The following IFTAP variants were observed in gnomAD, a reference collection of about 807,000 sequenced individuals.
IFTAP encodes intraflagellar transport-associated protein.
A neutral mutation model predicts 19.4 loss-of-function variants in IFTAP; 19 were observed. That is an observed-to-expected ratio of 0.98 (90% CI 0.68 to 1.44). IFTAP has a LOEUF of 1.44. IFTAP is among the 40% of genes most tolerant of loss of function. The probability of loss-of-function intolerance (pLI) is 0.00; values close to 1 mark genes in which losing one functional copy is unlikely to be tolerated. For synonymous variants in IFTAP, 85 were observed against 83.5 expected, an observed-to-expected ratio of 1.02 and a Z score of -0.10; for missense variants, 240 against 253.6, an observed-to-expected ratio of 0.95 and a Z score of 0.36.
At chr11:36,635,677 G>A (rs1043519470) in intron 3 of IFTAP, among the ~76,000 whole-genome samples, 6 of 152,080 alleles carry the variant, frequency 3.9e-5, no homozygotes, top group African/African-American at 1.4e-4. Flanking sequence ...TGCTTGACAG[G>A]CAAAAGCAAT....
intron 4 of IFTAP, among the ~76,000 whole-genome samples, chr11:36,644,421 T>C (rs1853375641): frequency 6.6e-6 from 1 of 152,110 alleles, no homozygotes; most frequent in South Asian, 2.1e-4. Flanking sequence ...CTAGTTCAAC[T>C]ATTGCGGAAG....
intron 4 of IFTAP, among the ~76,000 whole-genome samples, chr11:36,638,275 A>T (rs535575460): frequency 6.6e-6 from 1 of 152,236 alleles, no homozygotes; most frequent in African/African-American, 2.4e-5. Context: ...TTTTCAAGTT[A>T]CATTTTTCAA....
intron 2 of IFTAP, among the ~76,000 whole-genome samples, chr11:36,614,863 G>T (rs1590206608): frequency 6.8e-6 from 1 of 148,124 alleles, no homozygotes; most frequent in Non-Finnish European, 1.5e-5. Context: ...CTCCCATTTT[G>T]TAGGTTGCCT....
intron 2 of IFTAP, among the ~76,000 whole-genome samples, chr11:36,625,993 A>G (rs1191203653): frequency 6.6e-6 from 1 of 151,374 alleles, no homozygotes; most frequent in Non-Finnish European, 1.5e-5. Flanking sequence ...AGCAACGGTG[A>G]AAGGAGTGTG....
intron 2 of IFTAP, among the ~76,000 whole-genome samples, chr11:36,613,929 T>A (rs76836518): frequency 4.7e-5 from 7 of 150,524 alleles, no homozygotes; most frequent in East Asian, 1.9e-4. Context: ...TTTTTTTTTT[T>A]AATTATACTT....
intron 1 of IFTAP, among the ~76,000 whole-genome samples, chr11:36,606,313 A>G (rs1287626943): frequency 6.6e-6 from 1 of 152,174 alleles, no homozygotes; most frequent in African/African-American, 2.4e-5. Flanking sequence ...ACAAAAAAAA[A>G]TTAGCCAGCC....
At chr11:36,653,269 G>T (rs761696196) in intron 5 of IFTAP, among the ~76,000 whole-genome samples, 6 of 152,096 alleles carry the variant, frequency 3.9e-5, no homozygotes, top group Non-Finnish European at 8.8e-5. Context: ...TAAGTCACAT[G>T]AGAAATTTTA....
intron 5 of IFTAP, among the ~76,000 whole-genome samples, chr11:36,656,726 C>G (rs1031602071): frequency 6.6e-6 from 1 of 152,004 alleles, no homozygotes; most frequent in African/African-American, 2.4e-5. Flanking sequence ...CTTGTAGACA[C>G]AGATTTTGCT....
intron 4 of IFTAP, among the ~76,000 whole-genome samples, chr11:36,641,259 G>T (rs554108205): frequency 2.6e-5 from 4 of 152,074 alleles, no homozygotes; most frequent in Non-Finnish European, 5.9e-5. Context: ...TTAGAAAATA[G>T]ATTTTTAATA....
intron 1 of IFTAP, among the ~76,000 whole-genome samples, chr11:36,604,153 C>T (rs1464782884): frequency 6.6e-6 from 1 of 152,136 alleles, no homozygotes; most frequent in Non-Finnish European, 1.5e-5. Flanking sequence ...GCATGGAACG[C>T]AATTCATCTC....
At chr11:36,600,436 AC>A (rs1851463896) in intron 1 of IFTAP, among the ~76,000 whole-genome samples, 1 of 152,084 alleles carries the variant, frequency 6.6e-6, no homozygotes. Context: ...TGGAGTGTGA[AC>A]CCTGTTGTAA....
chr11:36,616,690 T>C (rs1852105559), intron 2 of IFTAP, among the ~76,000 whole-genome samples: 1 of 151,958 alleles, frequency 6.6e-6, no homozygotes, highest in Non-Finnish European at 1.5e-5. Context: ...GCCAGTGCTT[T>C]TCCAGCATTA....
intron 1 of IFTAP, among the ~76,000 whole-genome samples, chr11:36,607,007 C>CT (rs1468254345): frequency 2.0e-5 from 3 of 152,138 alleles, no homozygotes; most frequent in Non-Finnish European, 2.9e-5. Flanking sequence ...TTTCGTGTAT[C>CT]TAATTTTTTC....
chr11:36,637,836 A>T (rs1853014907), intron 4 of IFTAP, among the ~76,000 whole-genome samples: 1 of 151,750 alleles, frequency 6.6e-6, no homozygotes, highest in Non-Finnish European at 1.5e-5. Context: ...AACTCTGTAT[A>T]TTGACATAAA....
intron 5 of IFTAP, among the ~76,000 whole-genome samples, chr11:36,650,808 T>A (rs1053993707): frequency 8.5e-5 from 13 of 152,122 alleles, no homozygotes; most frequent in African/African-American, 3.1e-4. Flanking sequence ...ATGCGGTGTT[T>A]GGTTTTTTGT....
chr11:36,642,915 A>G (rs1301749615), intron 4 of IFTAP, among the ~76,000 whole-genome samples: 1 of 152,230 alleles, frequency 6.6e-6, no homozygotes, highest in Non-Finnish European at 1.5e-5. Context: ...TGAATGGGCA[A>G]AAACTGGAAG....
chr11:36,652,924 T>G (rs1171421317), intron 5 of IFTAP, among the ~76,000 whole-genome samples: 4 of 152,104 alleles, frequency 2.6e-5, no homozygotes, highest in Non-Finnish European at 5.9e-5. Context: ...TTGAAGCTGC[T>G]TCAAGCTGCT....
At chr11:36,650,295 T>A (rs1192829460) in intron 5 of IFTAP, among the ~76,000 whole-genome samples, 1 of 152,148 alleles carries the variant, frequency 6.6e-6, no homozygotes, top group Non-Finnish European at 1.5e-5. Context: ...CCTTCCTAAC[T>A]TTCTCTTAAT....
chr11:36,596,406 G>C (rs1590722519), intron 1 of IFTAP, among the ~76,000 whole-genome samples: 1 of 152,004 alleles, frequency 6.6e-6, no homozygotes, highest in South Asian at 2.1e-4. Context: ...TATTATCAAA[G>C]TTATGAAAAC....
Sources: allele counts gnomAD v4.1 joint callset (sites outside exome capture counted in the v4.1 genomes callset), GRCh38; gene constraint gnomAD v4.1.1; transcripts MANE v1.5; gene names NCBI Gene and HGNC (gene_info 2026-07-23, HGNC 2026-07-21).